The following INPP4B variants were observed in gnomAD, a reference collection of about 807,000 sequenced individuals.
INPP4B encodes the protein inositol polyphosphate-4-phosphatase type II B.
A neutral mutation model predicts 122.5 loss-of-function variants in INPP4B; 55 were observed. The observed-to-expected ratio is 0.45, with a 90% confidence interval of 0.36 to 0.56. The LOEUF is 0.56. INPP4B is among the 20% of genes least tolerant of loss of function. INPP4B has a pLI of 0.00. For missense variants in INPP4B, 1,000 were observed against 1,097.7 expected (o/e 0.91, Z 1.26); for synonymous variants, 403 against 388.7 (o/e 1.04, Z -0.43).
intron 7 of INPP4B, among the ~76,000 whole-genome samples, chr4:142,368,906 A>T (rs1788625515): frequency 6.6e-6 from 1 of 151,972 alleles, no homozygotes; most frequent in African/African-American, 2.4e-5. Flanking sequence ...GTAAAAGGAG[A>T]CATTTGCCGA....
intron 10 of INPP4B, 81 bp downstream of exon 10, chr4:142,270,582 C>T: frequency 1.1e-6 from 1 of 946,346 alleles, no homozygotes; most frequent in Admixed American, 1.7e-5. Context: ...TCAAACCCCA[C>T]AGAGATGTTG....
In INPP4B at chr4:142,757,501, T is replaced by C. The variant is rs548707472; in HGVS notation, c.-253-31600A>G. Among the ~76,000 whole-genome samples, 80 of 152,274 alleles carry C rather than the reference T, an allele frequency of 5.3e-4. 2 individuals carry two copies. The South Asian group carries it at 0.013, about 26-fold the overall frequency. ...TTTAACTGTCTCCATAGTTTTGCCTTTTCCAGAATGTCATGTAGTTGGAAT... is the reference window on the plus strand; with the variant it reads ...TTTAACTGTCTCCATAGTTTTGCCTCTTCCAGAATGTCATGTAGTTGGAAT... On this transcript the variant is annotated intron_variant, in intron 1 of 25. Transcript: ENST00000262992.
intron 2 of INPP4B, among the ~76,000 whole-genome samples, chr4:142,720,894 G>T (rs1443679230): frequency 1.3e-5 from 1 of 74,242 alleles, no homozygotes; most frequent in African/African-American, 7.2e-5. Context: ...AGTGCATCTC[G>T]TGTGTGTGTG....
intron 17 of INPP4B, among the ~76,000 whole-genome samples, chr4:142,152,691 T>C (rs190235561): frequency 3.3e-5 from 5 of 152,254 alleles, no homozygotes; most frequent in African/African-American, 1.2e-4. Context: ...ACACCTAGGC[T>C]TAAGCAATCT....
intron 17 of INPP4B, among the ~76,000 whole-genome samples, chr4:142,151,681 C>T (rs745740307): frequency 3.9e-5 from 6 of 152,160 alleles, no homozygotes; most frequent in Middle Eastern, 3.2e-3. Context: ...AAAGCAGGCT[C>T]AGTACTATAG....
intron 2 of INPP4B, among the ~76,000 whole-genome samples, chr4:142,709,237 C>T (rs556840736): frequency 1.6e-4 from 24 of 152,200 alleles, no homozygotes; most frequent in South Asian, 1.5e-3. Flanking sequence ...TTTACAGGCT[C>T]ATAGGTGGAA....
chr4:142,105,902 C>T (rs1202906918), intron 23 of INPP4B, among the ~76,000 whole-genome samples: 1 of 152,042 alleles, frequency 6.6e-6, no homozygotes, highest in Non-Finnish European at 1.5e-5. Flanking sequence ...ATGGCCTAAC[C>T]TCTACTCATA....
At chr4:142,705,474 C>T (rs56402429) in intron 2 of INPP4B, among the ~76,000 whole-genome samples, 1,054 of 59,858 alleles carry the variant, frequency 0.018, 8 homozygotes, top group Non-Finnish European at 0.025. Flanking sequence ...CACACACACA[C>T]ACACACACAC....
chr4:142,544,955 C>T (rs1442542016), intron 2 of INPP4B, among the ~76,000 whole-genome samples: 2 of 152,086 alleles, frequency 1.3e-5, no homozygotes, highest in East Asian at 1.9e-4. Flanking sequence ...TATATAGACA[C>T]TGAGAAACAA....
At chr4:142,824,256 A>G (rs529945970) in intron 1 of INPP4B, among the ~76,000 whole-genome samples, 18 of 150,560 alleles carry the variant, frequency 1.2e-4, no homozygotes, top group Admixed American at 8.0e-4. Context: ...TCCCATAATA[A>G]ATCCTCTTTT....
chr4:142,222,350 T>C (rs1259032667), intron 12 of INPP4B, among the ~76,000 whole-genome samples: 6 of 152,232 alleles, frequency 3.9e-5, no homozygotes, highest in African/African-American at 1.4e-4. Flanking sequence ...ATTTACCTTC[T>C]AAATGTAATC....
chr4:142,537,419 TATATATATATAGAGAGAGAGAG>T (rs1250158873), intron 2 of INPP4B, among the ~76,000 whole-genome samples: 1 of 52,140 alleles, frequency 1.9e-5, no homozygotes, highest in Non-Finnish European at 4.1e-5. Context: ...TATATATATA[TATATATATATAGAGAGAGAGAG>T]AGAGAGAGAG....
At chr4:142,457,962 GTGT>G (rs1473393639) in intron 3 of INPP4B, among the ~76,000 whole-genome samples, 1 of 152,050 alleles carries the variant, frequency 6.6e-6, no homozygotes, top group Non-Finnish European at 1.5e-5. Flanking sequence ...TAACTTCTAG[GTGT>G]TTAGTCAAGA....
chr4:142,239,845 A>G (rs1858414041), intron 11 of INPP4B, among the ~76,000 whole-genome samples: 1 of 152,088 alleles, frequency 6.6e-6, no homozygotes, highest in Non-Finnish European at 1.5e-5. Context: ...TACTTAGTTT[A>G]TCTAGAGTCA....
intron 1 of INPP4B, among the ~76,000 whole-genome samples, chr4:142,837,093 T>C (rs1782884863): frequency 6.6e-6 from 1 of 151,418 alleles, no homozygotes. Flanking sequence ...GAGGCGGAGG[T>C]TACAGTGAGC....
chr4:142,675,097 G>T (rs1210759672), intron 2 of INPP4B, among the ~76,000 whole-genome samples: 1 of 152,070 alleles, frequency 6.6e-6, no homozygotes, highest in Non-Finnish European at 1.5e-5. Flanking sequence ...CAACAAAATA[G>T]ATAGACCACT....
intron 2 of INPP4B, among the ~76,000 whole-genome samples, chr4:142,511,317 T>A (rs1005746563): frequency 2.0e-5 from 3 of 151,980 alleles, no homozygotes; most frequent in Non-Finnish European, 2.9e-5. Context: ...TAAAAAAAAA[T>A]TATTATAAAG....
At chr4:142,605,727 T>G (rs1741099422) in intron 2 of INPP4B, among the ~76,000 whole-genome samples, 1 of 151,818 alleles carries the variant, frequency 6.6e-6, no homozygotes. Flanking sequence ...AAAATTACAG[T>G]GAGACATCAT....
At chr4:142,183,500 T>C (rs1831779396) in intron 15 of INPP4B, among the ~76,000 whole-genome samples, 1 of 152,244 alleles carries the variant, frequency 6.6e-6, no homozygotes. Context: ...GTTCTACACT[T>C]AGCTTTCAAA....
Sources: gnomAD v4.1 joint callset for allele counts (sites outside exome capture counted in the v4.1 genomes callset) on GRCh38, gnomAD v4.1.1 for gene constraint, MANE v1.5 for transcripts, NCBI Gene and HGNC (gene_info 2026-07-23, HGNC 2026-07-21) for gene names.